The following PIGY variants were observed in gnomAD, a reference collection of about 807,000 sequenced individuals.
PIGY encodes the protein phosphatidylinositol N-acetylglucosaminyltransferase subunit Y.
A neutral mutation model predicts 4.1 loss-of-function variants in PIGY; 3 were observed. The ratio of observed to expected loss-of-function variants is 0.73; its 90% CI spans 0.33 to 1.89. The LOEUF (loss-of-function observed/expected upper bound fraction) is 1.89. Ranked by LOEUF, PIGY falls within the 40% of genes most tolerant of loss-of-function variation. PIGY has a pLI of 0.08. For synonymous variants in PIGY, 33 were observed against 31.4 expected (o/e 1.05, Z -0.18); for missense variants, 78 against 80.3 (o/e 0.97, Z 0.11).
Position 88,521,565 on chromosome 4 carries a change from C to T in PIGY, c.*9G>A. ...CATTAATATATACAGCATATTGACT[C>T]TAGTTGCATCAATTATGCCTGAAGA... On this transcript the variant is annotated 3_prime_UTR_variant, in exon 2 of 2. Transcript: ENST00000527353. The T allele has an allele frequency of 6.3e-7, 1 of 1,581,896 alleles. No individual in the cohort carries two copies. The highest frequency in any genetic ancestry group is 8.7e-7 in the Non-Finnish European group (1 of 1,150,886).
Position 88,521,507 on chromosome 4 carries a change from T to A in PIGY, c.*67A>T. On this transcript the variant is annotated 3_prime_UTR_variant, in exon 2 of 2. Coordinates refer to ENST00000527353, the MANE Select transcript of PIGY (RefSeq NM_001042616.3). ...TTCCCGCAAACTAAATTCCATCCAT[T>A]TGAGCTTTCAGAGATCGATGCCCAA... 7.2e-7 allele frequency: 1 copy of A among 1,393,846 alleles called. No homozygotes were observed. Among genetic ancestry groups the A allele is most frequent in the Non-Finnish European group, 1.0e-6 (1 of 1,001,716 alleles). 86.3% of individuals were successfully genotyped at this position (1,393,846 alleles called of 1,614,324 possible).
At position 88,521,616 on chromosome 4, in the gene PIGY, G is replaced by A. The variant is rs747157204; in HGVS notation, c.174C>T (p.His58=). The change falls in exon 2 of 2, where the codon CAC becomes CAT. Residue 58 remains histidine (H), a synonymous_variant. Transcript: ENST00000527353. ...PITIPVYVFF[H]LWTWMGIKLF... ...GTTTAATACCCATCCAAGTCCAAAG[G>A]TGGAAGAATACATACACTGGTATGG... The A allele has an allele frequency of 1.9e-6, 3 of 1,613,780 alleles. No individual in the cohort carries two copies. In the African/African-American group the frequency reaches 4.0e-5, roughly 22 times the overall value.
At chr4:88,523,212 G>A (rs1304626552) in intron 1 of PIGY, among the ~76,000 whole-genome samples, 8 of 152,174 alleles carry the variant, frequency 5.3e-5, no homozygotes, top group Non-Finnish European at 8.8e-5. Flanking sequence ...TTTTTAAAAC[G>A]GTCCCCGGGT....
intron 1 of PIGY, 97 bp from the exon 2 acceptor site, chr4:88,522,126 G>A: frequency 8.6e-7 from 1 of 1,164,966 alleles, no homozygotes; most frequent in Non-Finnish European, 1.2e-6. Flanking sequence ...CCAATTTTTG[G>A]TACGGAGTTA....
Position 88,521,887 on chromosome 4 carries a change from A to G in PIGY, c.-98T>C. On this transcript the variant is annotated 5_prime_UTR_variant, in exon 2 of 2. Coordinates refer to ENST00000527353, the MANE Select transcript of PIGY (RefSeq NM_001042616.3). The stretch of plus-strand genomic sequence containing the variant: ...TTTTTTTAATTTTTTTAAATTATGA[A>G]CTAGCGCTGCTCCACTTCTTCTTGC... The G allele has an allele frequency of 1.9e-6, 3 of 1,548,530 alleles. No homozygotes were observed. The highest frequency in any genetic ancestry group is 2.6e-6 in the Non-Finnish European group (3 of 1,146,234).
intron 1 of PIGY, 142 bp downstream of exon 1, chr4:88,523,356 G>A (rs1742448233): frequency 4.6e-6 from 4 of 871,076 alleles, no homozygotes; most frequent in Admixed American, 2.5e-5. Flanking sequence ...CTGTGCGCCC[G>A]GCGAGGACAG....
At position 88,521,888 on chromosome 4, in the gene PIGY, C is replaced by T. The variant is rs2149117437; in HGVS notation, c.-99G>A. 1 of 1,548,440 alleles carries T rather than the reference C, an allele frequency of 6.5e-7. No homozygotes were observed. Among genetic ancestry groups the T allele is most frequent in the Non-Finnish European group, 8.7e-7 (1 of 1,146,198 alleles). ...TTTTTTAATTTTTTTAAATTATGAACTAGCGCTGCTCCACTTCTTCTTGCT... is the reference window on the plus strand; with the variant it reads ...TTTTTTAATTTTTTTAAATTATGAATTAGCGCTGCTCCACTTCTTCTTGCT... On this transcript the variant is annotated 5_prime_UTR_variant, in exon 2 of 2. An upstream open reading frame in the 5' UTR loses its in-frame stop. Transcript: ENST00000527353.
In PIGY at chr4:88,521,190, G is replaced by C. The variant is rs1742361817; in HGVS notation, c.*384C>G. 5.4e-6 allele frequency: 1 copy of C among 184,492 alleles called. No individual in the cohort carries two copies. Among genetic ancestry groups the C allele is most frequent in the Admixed American group, 5.4e-5 (1 of 18,616 alleles). The allele number at this position is 184,492 out of a possible 1,614,324, so 11.4% of individuals were successfully genotyped here. A position where few individuals can be genotyped will look rare whatever the true frequency, so the allele number is the denominator to read the frequency against. ...GGACTATTCCAACATCACTCCTTTG[G>C]AATTATTTCAGTCATCCTTAACATG... On this transcript the variant is annotated 3_prime_UTR_variant, in exon 2 of 2. Coordinates refer to ENST00000527353, the MANE Select transcript of PIGY (RefSeq NM_001042616.3).
rs1193956720 is a variant in PIGY, at chr4:88,523,726, C to T, written c.-469G>A. On this transcript the variant is annotated 5_prime_UTR_variant, in exon 1 of 2. Coordinates refer to ENST00000527353, the MANE Select transcript of PIGY (RefSeq NM_001042616.3). ...GGTCTGGCAGCCGGAGACCAGGCCTCACCGCAGCCTCGCCACCCGTGGCCG... is the reference window on the plus strand; with the variant it reads ...GGTCTGGCAGCCGGAGACCAGGCCTTACCGCAGCCTCGCCACCCGTGGCCG... The T allele has an allele frequency of 1.4e-6, 2 of 1,423,752 alleles. No individual in the cohort carries two copies. The highest frequency in any genetic ancestry group is 2.9e-5 in the Admixed American group (1 of 34,214). The allele number at this position is 1,423,752 out of a possible 1,614,324, so 88.2% of individuals were successfully genotyped here.
intron 1 of PIGY, 89 bp from the exon 2 acceptor site, chr4:88,522,118 AATTTTT>A: frequency 1.6e-6 from 2 of 1,248,720 alleles, no homozygotes; most frequent in Non-Finnish European, 2.2e-6. Flanking sequence ...CCATTTATCC[AATTTTT>A]GGTACGGAGT....
chr4:88,521,528 C>T lies in PIGY; in HGVS notation c.*46G>A. ...CCATTTGAGCTTTCAGAGATCGATG[C>T]CCAAGAGCTATCATTAATATATACA... On this transcript the variant is annotated 3_prime_UTR_variant, in exon 2 of 2. Coordinates refer to ENST00000527353, the MANE Select transcript of PIGY (RefSeq NM_001042616.3). 6.7e-7 allele frequency: 1 copy of T among 1,501,774 alleles called. No homozygotes were observed. Among genetic ancestry groups the T allele is most frequent in the Non-Finnish European group, 9.2e-7 (1 of 1,086,568 alleles). The allele number at this position is 1,501,774 out of a possible 1,614,324, so 93.0% of individuals were successfully genotyped here.
intron 1 of PIGY, among the ~76,000 whole-genome samples, chr4:88,522,543 C>T (rs907984905): frequency 1.3e-5 from 2 of 152,070 alleles, no homozygotes; most frequent in Non-Finnish European, 2.9e-5. Flanking sequence ...TAGTTATAAA[C>T]GTAAATCAAA....
chr4:88,523,408 A>T, intron 1 of PIGY, 90 bp downstream of exon 1: 1 of 1,338,558 alleles, frequency 7.5e-7, no homozygotes. Flanking sequence ...CCGACCTACA[A>T]GGCCCCAGTG....
chr4:88,523,434 G>A, intron 1 of PIGY, 64 bp downstream of exon 1: 1 of 1,515,082 alleles, frequency 6.6e-7, no homozygotes, highest in African/African-American at 1.4e-5. Flanking sequence ...AAGAGGCCGC[G>A]GTCCACCGCT....
At position 88,521,351 on chromosome 4, in the gene PIGY, T is replaced by C; in HGVS notation, c.*223A>G. 3.9e-6 allele frequency: 2 copies of C among 513,266 alleles called. No individual in the cohort carries two copies. The highest frequency in any genetic ancestry group is 5.8e-5 in the South Asian group (2 of 34,486). 31.8% of individuals were successfully genotyped at this position (513,266 alleles called of 1,614,324 possible). A position where few individuals can be genotyped will look rare whatever the true frequency, so the allele number is the denominator to read the frequency against. On this transcript the variant is annotated 3_prime_UTR_variant, in exon 2 of 2. Coordinates refer to ENST00000527353, the MANE Select transcript of PIGY (RefSeq NM_001042616.3). ...CTCCAACCAAGACACTGTCAAAATG[T>C]TTCTTCTGATACAGCAGTTATAAGT...
chr4:88,521,474 A>C lies in PIGY; in HGVS notation c.*100T>G. 9.1e-7 allele frequency: 1 copy of C among 1,099,822 alleles called. No homozygotes were observed. The highest frequency in any genetic ancestry group is 1.3e-6 in the Non-Finnish European group (1 of 759,702). The allele number at this position is 1,099,822 out of a possible 1,614,324, so 68.1% of individuals were successfully genotyped here. ...TCCTAAGCCTGATATGCGCAAAGCA[A>C]AGCCTCTTTCCCGCAAACTAAATTC... On this transcript the variant is annotated 3_prime_UTR_variant, in exon 2 of 2. Coordinates refer to ENST00000527353, the MANE Select transcript of PIGY (RefSeq NM_001042616.3).
chr4:88,523,364 C>G, intron 1 of PIGY, 134 bp downstream of exon 1: 1 of 929,792 alleles, frequency 1.1e-6, no homozygotes, highest in South Asian at 1.5e-5. Context: ...CCGGCGAGGA[C>G]AGAGTCCAGA....
intron 1 of PIGY, among the ~76,000 whole-genome samples, chr4:88,522,580 GAAT>G (rs1742409832): frequency 1.3e-5 from 2 of 152,140 alleles, no homozygotes; most frequent in South Asian, 2.1e-4. Context: ...CGAGAAAATT[GAAT>G]AATATGTTTA....
intron 1 of PIGY, among the ~76,000 whole-genome samples, chr4:88,522,500 GA>G (rs1447034994): frequency 2.0e-5 from 3 of 152,166 alleles, no homozygotes; most frequent in Non-Finnish European, 4.4e-5. Flanking sequence ...CAGAAATGAA[GA>G]AACTTTCGAA....
Sources: gnomAD v4.1 joint callset for allele counts (sites outside exome capture counted in the v4.1 genomes callset) on GRCh38, gnomAD v4.1.1 for gene constraint, MANE v1.5 for transcripts, NCBI Gene and HGNC (gene_info 2026-07-23, HGNC 2026-07-21) for gene names.